Variants in ATRN observed in about 807,000 individuals in gnomAD.
ATRN encodes the protein attractin-2.
Under a neutral mutation model 178.7 loss-of-function variants are expected in ATRN, and 54 were observed. The ratio of observed to expected loss-of-function variants is 0.30; its 90% CI spans 0.24 to 0.38. ATRN has a LOEUF of 0.38. ATRN is among the 10% of genes least tolerant of loss of function. The probability of loss-of-function intolerance (pLI) is 1.00; values close to 1 mark genes in which losing one functional copy is unlikely to be tolerated. For synonymous variants in ATRN, 636 were observed against 663.0 expected (o/e 0.96, Z 0.63); for missense variants, 1,443 against 1,815.1 (o/e 0.79, Z 3.73).
intron 3 of ATRN, among the ~76,000 whole-genome samples, chr20:3,542,888 C>A (rs990716335): frequency 4.8e-4 from 72 of 151,520 alleles, no homozygotes; most frequent in African/African-American, 1.7e-3. Context: ...GTCCTCCCAC[C>A]TTGGCCTCCC....
At chr20:3,481,131 C>T (rs952812982) in intron 1 of ATRN, among the ~76,000 whole-genome samples, 1 of 151,924 alleles carries the variant, frequency 6.6e-6, no homozygotes, top group Non-Finnish European at 1.5e-5. Flanking sequence ...TTCCATTTTC[C>T]CTTTTCTTTC....
chr20:3,561,007 G>A (rs1403824352), intron 8 of ATRN, 102 bp downstream of exon 8: 4 of 1,405,284 alleles, frequency 2.8e-6, no homozygotes, highest in South Asian at 1.3e-5. Context: ...ATCTTGATTC[G>A]GTACTTTATC....
At chr20:3,604,413 A>G (rs2086652391) in intron 24 of ATRN, 151 bp downstream of exon 24, 2 of 894,240 alleles carry the variant, frequency 2.2e-6, no homozygotes, top group Admixed American at 6.4e-5. Flanking sequence ...GAGCACATGC[A>G]TGCTGCACAG....
At chr20:3,489,628 A>G (rs2146084999) in intron 1 of ATRN, 2 of 1,462,942 alleles carry the variant, frequency 1.4e-6, no homozygotes, top group Non-Finnish European at 1.9e-6. Flanking sequence ...GGCTGCCATC[A>G]TTCTGAAGCC....
At chr20:3,490,216 T>A (rs2146086189) in intron 1 of ATRN, 1 of 1,520,280 alleles carries the variant, frequency 6.6e-7, no homozygotes, top group Non-Finnish European at 9.1e-7. Context: ...AGCCTAAAGC[T>A]AAGAGAGCAG....
At chr20:3,554,396 C>T (rs2085835690) in intron 6 of ATRN, among the ~76,000 whole-genome samples, 1 of 151,392 alleles carries the variant, frequency 6.6e-6, no homozygotes, top group South Asian at 2.1e-4. Context: ...AGTGCAGTGG[C>T]ACAGTCTCGG....
At chr20:3,556,705 T>G (rs1369817478) in intron 6 of ATRN, among the ~76,000 whole-genome samples, 1 of 152,250 alleles carries the variant, frequency 6.6e-6, no homozygotes, top group Non-Finnish European at 1.5e-5. Flanking sequence ...TGCATTTATC[T>G]TGTACTTTTT....
In ATRN at chr20:3,575,939, A is replaced by G. The variant is rs781530972; in HGVS notation, c.2205A>G (p.Ser735=). The G allele has an allele frequency of 2.5e-6, 4 of 1,613,566 alleles. No homozygotes were observed. Among genetic ancestry groups the G allele is most frequent in the African/African-American group, 1.3e-5 (1 of 74,928 alleles). The stretch of plus-strand genomic sequence containing the variant: ...GTGTCCCCAGGAACCACAGCTGCTC[A>G]GAAGGCCAGGTCAGAGGCTGTTTCT... ...DHCVPRNHSC[S]EGQISIFRYE... The change falls in exon 13 of 29, where the codon TCA becomes TCG. Residue 735 remains serine, a synonymous_variant. Transcript: ENST00000262919.
intron 1 of ATRN, among the ~76,000 whole-genome samples, chr20:3,515,399 A>G (rs2085193612): frequency 6.6e-6 from 1 of 152,174 alleles, no homozygotes; most frequent in South Asian, 2.1e-4. Flanking sequence ...GCTACTTTTT[A>G]GAGATTGGGA....
intron 24 of ATRN, among the ~76,000 whole-genome samples, chr20:3,619,869 C>T (rs2086883313): frequency 6.6e-6 from 1 of 152,198 alleles, no homozygotes; most frequent in Non-Finnish European, 1.5e-5. Flanking sequence ...TTGAGGGCAG[C>T]ATCCTCACTC....
chr20:3,616,413 G>C (rs967048321), intron 24 of ATRN, among the ~76,000 whole-genome samples: 1 of 152,064 alleles, frequency 6.6e-6, no homozygotes, highest in Non-Finnish European at 1.5e-5. Flanking sequence ...AGCCATGAGA[G>C]GGGAGGGGAG....
intron 6 of ATRN, among the ~76,000 whole-genome samples, chr20:3,555,339 C>T (rs773969956): frequency 1.3e-5 from 2 of 151,990 alleles, no homozygotes; most frequent in Non-Finnish European, 2.9e-5. Flanking sequence ...AAACCACACT[C>T]GGGGAGATTC....
chr20:3,545,260 C>T (rs1270003783), intron 3 of ATRN, among the ~76,000 whole-genome samples: 1 of 150,892 alleles, frequency 6.6e-6, no homozygotes, highest in Non-Finnish European at 1.5e-5. Context: ...CCCAGCTACT[C>T]AGGAGGCTGA....
chr20:3,500,217 C>T lies in ATRN; in HGVS notation c.410+28700C>T, dbSNP rs181933235. ...TGGAGAGGATGTGGAGAAATAGGAA[C>T]GCTTTTACACTGTTGATGGGACTGT... On this transcript the variant is annotated intron_variant, in intron 1 of 28. Transcript: ENST00000262919. 3.1e-3 allele frequency among the ~76,000 whole-genome samples: 477 copies of T among 152,242 alleles called. 10 individuals carry two copies. The highest frequency in any genetic ancestry group is 0.026 in the Admixed American group (405 of 15,290).
chr20:3,508,068 G>T (rs537603351), intron 1 of ATRN, among the ~76,000 whole-genome samples: 11 of 152,040 alleles, frequency 7.2e-5, no homozygotes, highest in Middle Eastern at 3.4e-3. Context: ...CAAGAAAAAG[G>T]CTGGGCGTGA....
At chr20:3,523,956 A>G (rs1037221873) in intron 1 of ATRN, among the ~76,000 whole-genome samples, 1 of 152,228 alleles carries the variant, frequency 6.6e-6, no homozygotes, top group Admixed American at 6.5e-5. Flanking sequence ...CAGCCACTGT[A>G]AAAACATACC....
chr20:3,492,335 A>G (rs1410661724), intron 1 of ATRN, among the ~76,000 whole-genome samples: 1 of 152,082 alleles, frequency 6.6e-6, no homozygotes, highest in Non-Finnish European at 1.5e-5. Context: ...GACATTCTTA[A>G]TAGTTAGAAT....
At chr20:3,513,088 G>T (rs1344128739) in intron 1 of ATRN, among the ~76,000 whole-genome samples, 2 of 152,170 alleles carry the variant, frequency 1.3e-5, no homozygotes, top group Non-Finnish European at 2.9e-5. Flanking sequence ...AGTTTCTTTT[G>T]CTGTGCAGAA....
rs554036923 is a variant in ATRN at position 3,571,919 on chromosome 20, C to G, written c.1872-812C>G. On this transcript the variant is annotated intron_variant, in intron 11 of 28. Coordinates refer to ENST00000262919, the MANE Select transcript of ATRN (RefSeq NM_139321.3). ...ACTCTTAGGTTATAGAGAAATTCACCCATTCTTCTACTGCTTGTGTGTTTT... is the reference window on the plus strand; with the variant it reads ...ACTCTTAGGTTATAGAGAAATTCACGCATTCTTCTACTGCTTGTGTGTTTT... 2.0e-5 allele frequency among the ~76,000 whole-genome samples: 3 copies of G among 152,112 alleles called. No homozygotes were observed. The East Asian group carries it at 5.8e-4, about 29-fold the overall frequency.
Sources: gnomAD v4.1 joint callset for allele counts (sites outside exome capture counted in the v4.1 genomes callset) on GRCh38, gnomAD v4.1.1 for gene constraint, MANE v1.5 for transcripts, NCBI Gene and HGNC (gene_info 2026-07-23, HGNC 2026-07-21) for gene names.